The following ZNF266 variants were observed in gnomAD, a reference collection of about 807,000 sequenced individuals.
ZNF266 encodes the protein zinc finger protein 1.
ZNF266 carries 16 observed loss-of-function variants against 16.4 expected under a neutral mutation model. That is an observed-to-expected ratio of 0.98 (90% CI 0.66 to 1.48). The LOEUF is 1.48. ZNF266 is among the 40% of genes most tolerant of loss of function. The pLI, the probability that ZNF266 is intolerant of heterozygous loss-of-function variation, is 0.00. For synonymous variants in ZNF266, 262 were observed against 237.9 expected (o/e 1.10, Z -0.93); for missense variants, 738 against 689.1 (o/e 1.07, Z -0.79).
chr19:9,428,623 CGCTGG>C (rs2071123853), intron 5 of ZNF266, among the ~76,000 whole-genome samples: 1 of 151,592 alleles, frequency 6.6e-6, no homozygotes, highest in Non-Finnish European at 1.5e-5. Flanking sequence ...GCTGTCTTAG[CGCTGG>C]ATGCCCAGGT....
chr19:9,414,245 A>C lies in ZNF266; in HGVS notation c.881T>G (p.Leu294Arg), dbSNP rs760608576. The change falls in exon 11 of 11, where the codon CTT (leucine) becomes CGT (arginine). Residue 294 changes from leucine (L) to arginine (R), a missense_variant. Coordinates refer to ENST00000592904, the MANE Select transcript of ZNF266 (RefSeq NM_001370374.1). The part of the protein sequence containing the change: ...CGKGFRYSAY[L>R]NIHMGTHTGD... ...AGTGTGGGTTCCCATGTGAATATTA[A>C]GGTATGCAGAATATCTAAATCCTTT... 6.2e-7 allele frequency: 1 copy of C among 1,614,212 alleles called. No homozygotes were observed. Among genetic ancestry groups the C allele is most frequent in the Admixed American group, 1.7e-5 (1 of 60,012 alleles).
At chr19:9,417,974 C>G in intron 8 of ZNF266, 66 bp from the exon 9 acceptor site, 1 of 1,470,922 alleles carries the variant, frequency 6.8e-7, no homozygotes, top group African/African-American at 1.4e-5. Context: ...CTTTCCACAA[C>G]TCAGGAGATA....
chr19:9,418,625 C>T lies in ZNF266; in HGVS notation c.115G>A (p.Val39Met). Residue 39 changes from valine (V) to methionine (M), a missense_variant, in exon 8 of 11, where the codon GTG becomes ATG. Val to Met is a conservative substitution (Grantham distance 21, BLOSUM62 1). Coordinates refer to ENST00000592904, the MANE Select transcript of ZNF266 (RefSeq NM_001370374.1). ...TCCACAGCCAGATCATCAAAAGTCA[C>T]TGAATCCTAAACCATCACACACATG... ...DCLTNCYQDS[V>M]TFDDLAVDFT... 1 of 1,438,032 alleles carries T rather than the reference C, an allele frequency of 7.0e-7. No individual in the cohort carries two copies. The highest frequency in any genetic ancestry group is 1.7e-5 in the Admixed American group (1 of 59,586). The allele number at this position is 1,438,032 out of a possible 1,614,324, so 89.1% of individuals were successfully genotyped here.
intron 5 of ZNF266, among the ~76,000 whole-genome samples, chr19:9,428,905 ATT>A (rs58814249): frequency 6.7e-6 from 1 of 150,084 alleles, no homozygotes; most frequent in Non-Finnish European, 1.5e-5. Context: ...TGTCAATTTA[ATT>A]TTTTTTTTAA....
chr19:9,414,006 T>C lies in ZNF266; in HGVS notation c.1120A>G (p.Arg374Gly). ...AAATGTTCAGTAAGTTGAGAAGATC[T>C]AGTGAAGGCTATCCCACATTCCTTG... is the stretch of plus-strand genomic sequence containing the variant. ...ECKECGIAFTRSSQLTEHLKT... is the reference protein window; with the variant it reads ...ECKECGIAFTGSSQLTEHLKT... Residue 374 changes from arginine to glycine, a missense_variant, in exon 11 of 11, where the codon AGA becomes GGA. Arg to Gly is a moderately radical substitution (Grantham distance 125, BLOSUM62 -2). Coordinates refer to ENST00000592904, the MANE Select transcript of ZNF266 (RefSeq NM_001370374.1). 1.2e-6 allele frequency: 2 copies of C among 1,614,186 alleles called. No individual in the cohort carries two copies. The highest frequency in any genetic ancestry group is 1.7e-6 in the Non-Finnish European group (2 of 1,180,042).
chr19:9,426,247 C>T (rs989205039), intron 5 of ZNF266, among the ~76,000 whole-genome samples: 20 of 151,434 alleles, frequency 1.3e-4, no homozygotes, highest in Non-Finnish European at 1.9e-4. Context: ...CGGGGCCACT[C>T]GGGACCACCG....
At chr19:9,433,595 T>C (rs923329954) in intron 5 of ZNF266, 73 bp downstream of exon 5, 4 of 152,196 alleles carry the variant, frequency 2.6e-5, no homozygotes, top group African/African-American at 9.7e-5. Context: ...TAATTTCTTA[T>C]TCATGTAATT....
At position 9,420,222 on chromosome 19, in the gene ZNF266, T is replaced by C. The variant is rs2069647070; in HGVS notation, c.-129-4A>G. On this transcript the variant is annotated splice_region_variant and splice_polypyrimidine_tract_variant and intron_variant, in intron 5 of 10. Transcript: ENST00000592904. The stretch of plus-strand genomic sequence containing the variant: ...TTTATCCAGGGTTAACGGTATCCTG[T>C]TTGTATAAATCATTAATCAACAAGC... 6.6e-6 allele frequency: 1 copy of C among 152,400 alleles called. No individual in the cohort carries two copies. Among genetic ancestry groups the C allele is most frequent in the African/African-American group, 2.4e-5 (1 of 41,464 alleles). 9.4% of individuals were successfully genotyped at this position (152,400 alleles called of 1,614,324 possible).
intron 5 of ZNF266, among the ~76,000 whole-genome samples, chr19:9,430,720 C>G (rs1364646792): frequency 6.6e-6 from 1 of 152,288 alleles, no homozygotes; most frequent in Non-Finnish European, 1.5e-5. Flanking sequence ...ACACACCCCA[C>G]AGCTGCTGAC....
chr19:9,425,187 C>A (rs868135286), intron 5 of ZNF266, among the ~76,000 whole-genome samples: 1 of 152,174 alleles, frequency 6.6e-6, no homozygotes, highest in South Asian at 2.1e-4. Context: ...CAATCCACAA[C>A]CCCCAAAGGA....
intron 8 of ZNF266, 94 bp from the exon 9 acceptor site, chr19:9,418,002 G>C: frequency 1.6e-6 from 2 of 1,285,616 alleles, no homozygotes; most frequent in Non-Finnish European, 2.2e-6. Context: ...AATGGAAGCA[G>C]TGAAATTATT....
At chr19:9,417,589 T>C (rs11667878) in intron 9 of ZNF266, among the ~76,000 whole-genome samples, 85,275 of 151,258 alleles carry the variant, frequency 0.56, 24,220 homozygotes, top group Middle Eastern at 0.62. Flanking sequence ...TAGCCAGGCA[T>C]GGTGGCGTGA....
Position 9,414,086 on chromosome 19 carries a change from G to C in ZNF266, c.1040C>G (p.Ser347Cys), listed in dbSNP as rs780109780. 2 of 1,613,382 alleles carry C rather than the reference G, an allele frequency of 1.2e-6. No individual in the cohort carries two copies. Among genetic ancestry groups the C allele is most frequent in the African/African-American group, 2.7e-5 (2 of 74,682 alleles). The change falls in exon 11 of 11, where the codon TCC becomes TGC. Residue 347 changes from serine (S) to cysteine (C), a missense_variant. Transcript: ENST00000592904. Reference sequence around the variant, plus strand: ...TTTCATATGTTGACTTAAGCAAGAGGAAACAGTGAAGGCTCTCCCACAATC... The same window carrying C: ...TTTCATATGTTGACTTAAGCAAGAGCAAACAGTGAAGGCTCTCCCACAATC... ...CKDCGRAFTV[S>C]SCLSQHMKIH...
chr19:9,427,876 G>C (rs2070994977), intron 5 of ZNF266, among the ~76,000 whole-genome samples: 1 of 151,934 alleles, frequency 6.6e-6, no homozygotes, highest in Non-Finnish European at 1.5e-5. Flanking sequence ...GTATCTTTTA[G>C]TAATTTTTGG....
intron 10 of ZNF266, 142 bp from the exon 11 acceptor site, chr19:9,414,862 T>G (rs760281597): frequency 2.9e-5 from 28 of 975,326 alleles, no homozygotes; most frequent in Non-Finnish European, 3.5e-5. Flanking sequence ...GCCCTTTTGA[T>G]TTCTTTCCAG....
chr19:9,425,521 T>C (rs2070612866), intron 5 of ZNF266, among the ~76,000 whole-genome samples: 3 of 152,120 alleles, frequency 2.0e-5, no homozygotes, highest in Admixed American at 2.0e-4. Context: ...TTCAGTGTGG[T>C]GAACAGGGTG....
At chr19:9,429,285 G>A (rs1022726658) in intron 5 of ZNF266, among the ~76,000 whole-genome samples, 8 of 152,050 alleles carry the variant, frequency 5.3e-5, no homozygotes, top group Admixed American at 1.3e-4. Flanking sequence ...GTGCACAGTC[G>A]CCTGGGACTT....
chr19:9,413,295 C>T lies in ZNF266; in HGVS notation c.1831G>A (p.Asp611Asn), dbSNP rs1330830152. Residue 611 changes from aspartate (D) to asparagine (N), a missense_variant, in exon 11 of 11, where the codon GAT becomes AAT. Coordinates refer to ENST00000592904, the MANE Select transcript of ZNF266 (RefSeq NM_001370374.1). ...ATTCCTTATGCTGACAGTCTCTCATCCGCATGCCTTCTTTCATGATTTCGA... is the reference window on the plus strand; with the variant it reads ...ATTCCTTATGCTGACAGTCTCTCATTCGCATGCCTTCTTTCATGATTTCGA... ...SFRNHERRHADERLSA is the reference protein window; with the variant it reads ...SFRNHERRHANERLSA 1.3e-6 allele frequency: 2 copies of T among 1,595,596 alleles called. No homozygotes were observed. The highest frequency in any genetic ancestry group is 2.2e-5 in the East Asian group (1 of 44,734).
At chr19:9,421,757 C>A (rs1357442497) in intron 5 of ZNF266, among the ~76,000 whole-genome samples, 2 of 152,188 alleles carry the variant, frequency 1.3e-5, no homozygotes, top group Non-Finnish European at 2.9e-5. Flanking sequence ...TCTTGTGTAT[C>A]TGTAATGTAT....
Sources: gnomAD v4.1 joint callset for allele counts (sites outside exome capture counted in the v4.1 genomes callset) on GRCh38, gnomAD v4.1.1 for gene constraint, MANE v1.5 for transcripts, NCBI Gene and HGNC (gene_info 2026-07-23, HGNC 2026-07-21) for gene names.